Variants in HIPK3 observed in about 807,000 individuals in gnomAD.
HIPK3 encodes homeodomain interacting protein kinase 3, also known as homeodomain-interacting protein kinase 3.
HIPK3 carries 47 observed loss-of-function variants against 124.2 expected under a neutral mutation model. The ratio of observed to expected loss-of-function variants is 0.38; its 90% CI spans 0.30 to 0.48. HIPK3 has a LOEUF of 0.48. HIPK3 is among the 20% of genes least tolerant of loss of function. The probability of loss-of-function intolerance (pLI) is 0.98; values close to 1 mark genes in which losing one functional copy is unlikely to be tolerated. For missense variants in HIPK3, 1,286 were observed against 1,454.3 expected, an observed-to-expected ratio of 0.88 and a Z score of 1.88; for synonymous variants, 482 against 515.2, an observed-to-expected ratio of 0.94 and a Z score of 0.87.
rs1032258192 is a variant in HIPK3, at chr11:33,271,163, G to T, written c.-3+13274G>T. Among the ~76,000 whole-genome samples the T allele has an allele frequency of 3.9e-5, 6 of 152,264 alleles. 1 individual carries two copies. The highest frequency in any genetic ancestry group is 1.3e-4 in the Admixed American group (2 of 15,294). On this transcript the variant is annotated intron_variant, in intron 1 of 16. Transcript: ENST00000303296. The stretch of plus-strand genomic sequence containing the variant: ...GTTCTATGAATAAATAGCATTCTAA[G>T]TGTTTGTTAATATGATAAATAATGA...
intron 2 of HIPK3, among the ~76,000 whole-genome samples, chr11:33,326,671 A>AT (rs112986079): frequency 0.015 from 2,141 of 144,238 alleles, 10 homozygotes; most frequent in Non-Finnish European, 0.016. Flanking sequence ...CAAATCTGGG[A>AT]TTTTTTTTTT....
chr11:33,355,057 G>A lies in HIPK3; in HGVS notation c.*1489G>A, dbSNP rs1459208743. ...TTAGCTTACAGGCAAGTAATAAATTGTATCATTTATCTTGAATGTATCATA... is the reference window on the plus strand; with the variant it reads ...TTAGCTTACAGGCAAGTAATAAATTATATCATTTATCTTGAATGTATCATA... On this transcript the variant is annotated 3_prime_UTR_variant, in exon 17 of 17. Transcript: ENST00000303296. 7.2e-5 allele frequency: 11 copies of A among 152,038 alleles called. No homozygotes were observed. Among genetic ancestry groups the A allele is most frequent in the African/African-American group, 4.8e-5 (2 of 41,434 alleles). The allele number at this position is 152,038 out of a possible 1,614,324, so 9.4% of individuals were successfully genotyped here.
chr11:33,285,333 A>AT (rs5790919), intron 1 of HIPK3, among the ~76,000 whole-genome samples: 152,294 of 152,300 alleles, frequency 1, 76,144 homozygotes, highest in Middle Eastern at 1. Context: ...ATTTTCCAAT[A>AT]TATTTGGAGG....
chr11:33,269,735 TGCTCCTACTAA>T (rs1234824039), intron 1 of HIPK3, among the ~76,000 whole-genome samples: 1 of 146,748 alleles, frequency 6.8e-6, no homozygotes, highest in Non-Finnish European at 1.5e-5. Context: ...TTAATGAGAT[TGCTCCTACTAA>T]GCTCCCCTGT....
At chr11:33,267,382 G>A (rs1850996561) in intron 1 of HIPK3, among the ~76,000 whole-genome samples, 2 of 152,032 alleles carry the variant, frequency 1.3e-5, no homozygotes. Flanking sequence ...CAAAGTGTTG[G>A]GATTACAGGC....
chr11:33,319,686 A>G (rs953803090), intron 2 of HIPK3, among the ~76,000 whole-genome samples: 1 of 152,152 alleles, frequency 6.6e-6, no homozygotes, highest in African/African-American at 2.4e-5. Context: ...TGAATGAATG[A>G]TGTATGCTAT....
chr11:33,350,235 A>AT (rs1350367310), intron 14 of HIPK3, among the ~76,000 whole-genome samples: 2 of 152,088 alleles, frequency 1.3e-5, no homozygotes, highest in African/African-American at 4.8e-5. Context: ...ATCCACTATG[A>AT]TTTTTTTCTC....
intron 2 of HIPK3, among the ~76,000 whole-genome samples, chr11:33,307,437 C>T (rs1363746974): frequency 1.5e-5 from 2 of 136,110 alleles, no homozygotes; most frequent in Admixed American, 7.9e-5. Context: ...CTTGCTCTGT[C>T]GCCCAGGCTG....
At chr11:33,278,168 ATAAC>A (rs1851320267) in intron 1 of HIPK3, among the ~76,000 whole-genome samples, 1 of 152,218 alleles carries the variant, frequency 6.6e-6, no homozygotes, top group African/African-American at 2.4e-5. Flanking sequence ...TGTTAAAAAT[ATAAC>A]TAATTTTAAA....
Position 33,348,569 on chromosome 11 carries a change from C to T in HIPK3, c.2417C>T (p.Ser806Phe). The T allele has an allele frequency of 6.2e-7, 1 of 1,613,042 alleles. No homozygotes were observed. The highest frequency in any genetic ancestry group is 8.5e-7 in the Non-Finnish European group (1 of 1,179,060). Residue 806 changes from serine (S) to phenylalanine (F), a missense_variant, in exon 13 of 17, where the codon TCT (serine) becomes TTT (phenylalanine). By Grantham distance (155) the Ser-to-Phe change is radical (BLOSUM62 -2). This residue lies in a region of HIPK3 where 810 missense variants were observed against 864.9 expected (regional missense o/e 0.94). Transcript: ENST00000303296. Reference protein sequence around the residue: ...NTNIPHSAFISPKIINGKDVE... With the variant: ...NTNIPHSAFIFPKIINGKDVE... Reference sequence around the variant, plus strand: ...AATATCCCACATTCAGCATTTATTTCTCCAAAGATAATTAATGGGAAAGAT... The same window carrying T: ...AATATCCCACATTCAGCATTTATTTTTCCAAAGATAATTAATGGGAAAGAT...
intron 6 of HIPK3, 103 bp from the exon 7 acceptor site, chr11:33,340,865 A>G: frequency 1.6e-6 from 1 of 636,466 alleles, no homozygotes; most frequent in East Asian, 3.1e-5. Flanking sequence ...GCAAATTAGG[A>G]TTTTTTTCTT....
At chr11:33,335,597 C>G (rs1853119047) in intron 3 of HIPK3, 1 of 151,316 alleles carries the variant, frequency 6.6e-6, no homozygotes, top group Non-Finnish European at 1.5e-5. Context: ...ATATAGGCTA[C>G]TATTTTAAGG....
chr11:33,319,790 A>G (rs572328652), intron 2 of HIPK3, among the ~76,000 whole-genome samples: 1 of 152,320 alleles, frequency 6.6e-6, no homozygotes, highest in East Asian at 1.9e-4. Flanking sequence ...TCTTGCCCCC[A>G]TGGAATTTAT....
At chr11:33,268,583 T>G (rs945037708) in intron 1 of HIPK3, among the ~76,000 whole-genome samples, 11 of 97,134 alleles carry the variant, frequency 1.1e-4, no homozygotes, top group African/African-American at 4.4e-4. Flanking sequence ...AGAGTAAGAC[T>G]CCGTCACCAA....
chr11:33,306,595 T>C (rs1487774393), intron 2 of HIPK3, among the ~76,000 whole-genome samples: 6 of 152,222 alleles, frequency 3.9e-5, no homozygotes, highest in Admixed American at 6.5e-5. Flanking sequence ...CTGCCACTTA[T>C]TGTGTCACCC....
intron 1 of HIPK3, among the ~76,000 whole-genome samples, chr11:33,261,127 TA>T (rs1214139297): frequency 1.3e-5 from 1 of 76,922 alleles, no homozygotes; most frequent in East Asian, 3.2e-4. Context: ...AAATATATAT[TA>T]TATATAAAAT....
intron 3 of HIPK3, among the ~76,000 whole-genome samples, chr11:33,335,265 T>C (rs983986226): frequency 2.6e-5 from 4 of 152,028 alleles, no homozygotes; most frequent in South Asian, 4.2e-4. Context: ...GAGATAAAAT[T>C]GTGGGCACTT....
At chr11:33,347,605 A>G (rs1312048489) in intron 9 of HIPK3, 24 bp from the exon 10 acceptor site, 4 of 1,606,374 alleles carry the variant, frequency 2.5e-6, no homozygotes, top group Middle Eastern at 1.7e-4. Flanking sequence ...GTTATTTTCT[A>G]TTGTTTTGCT....
chr11:33,304,027 G>A lies in HIPK3; in HGVS notation c.1097+16516G>A, dbSNP rs749775980. On this transcript the variant is annotated intron_variant, in intron 2 of 16. Coordinates refer to ENST00000303296, the MANE Select transcript of HIPK3 (RefSeq NM_005734.5). ...ACCATCTTGGCTCACTGCAATCTCC[G>A]CCTCCCAGGTTCATGCGATTCCTCT... Among the ~76,000 whole-genome samples the A allele has an allele frequency of 3.3e-5, 5 of 152,148 alleles. No homozygotes were observed. The South Asian group carries it at 6.2e-4, about 19-fold the overall frequency.
Sources: gnomAD v4.1 joint callset for allele counts (sites outside exome capture counted in the v4.1 genomes callset) on GRCh38, gnomAD v4.1.1 for gene constraint, gnomAD v4.1.1 regional missense constraint, MANE v1.5 for transcripts, NCBI Gene and HGNC (gene_info 2026-07-23, HGNC 2026-07-21) for gene names.